Variants in UBA5 observed in about 807,000 individuals in gnomAD.
The protein encoded by UBA5 is ubiquitin like modifier activating enzyme 5, also known as ubiquitin-like modifier-activating enzyme 5.
In UBA5, 28 loss-of-function variants were observed where a neutral mutation model predicts 52.9. The observed-to-expected ratio is 0.53, with a 90% CI of 0.39 to 0.73. UBA5 has a LOEUF of 0.73. Among genes scored for constraint, UBA5 ranks in the 30% least tolerant of loss-of-function variants. UBA5 has a pLI of 0.00. For synonymous variants in UBA5, 135 were observed against 162.1 expected, an observed-to-expected ratio of 0.83 and a Z score of 1.27; for missense variants, 388 against 492.7, an observed-to-expected ratio of 0.79 and a Z score of 2.01.
chr3:132,655,615 G>A (rs1169885631), upstream of UBA5, among the ~76,000 whole-genome samples: 1 of 152,134 alleles, frequency 6.6e-6, no homozygotes, highest in Non-Finnish European at 1.5e-5. Flanking sequence ...CCGTGTGCTC[G>A]AGGAAATCTT....
rs1938843543 is a variant in UBA5 at position 132,676,473 on chromosome 3, G to C, written c.1162G>C (p.Glu388Gln). 1 of 1,610,872 alleles carries C rather than the reference G, an allele frequency of 6.2e-7. No individual in the cohort carries two copies. Among genetic ancestry groups the C allele is most frequent in the Non-Finnish European group, 8.5e-7 (1 of 1,178,826 alleles). The part of the protein sequence containing the change: ...QEDSVTELTV[E>Q]DSGESLEDLM... ...AGATTCTGTCACTGAGTTAACAGTG[G>C]AAGATTCTGGTGAAAGCTTGGAAGA... is the stretch of plus-strand genomic sequence containing the variant. Residue 388 changes from glutamate (E) to glutamine (Q), a missense_variant, in exon 12 of 12, where the codon GAA becomes CAA. By Grantham distance (29) the Glu-to-Gln change is conservative. Coordinates refer to ENST00000356232, the MANE Select transcript of UBA5 (RefSeq NM_024818.6). This position sits in a 1 kb window ranked among gnomAD's most constrained non-coding sequence, Gnocchi z 4.1.
Position 132,654,590 on chromosome 3 carries a change from C to A in UBA5, c.-88C>A, listed in dbSNP as rs1937680475. On this transcript the variant is annotated 5_prime_UTR_variant, in exon 1 of 12. Coordinates refer to the UBA5 transcript ENST00000264991. ...ATCATGGCTGAGATGCCTGCAGAAT[C>A]TCTGCCCATGAGAACTCTGAGGCCT... The A allele has an allele frequency of 2.0e-5, 3 of 152,244 alleles. No homozygotes were observed. In the South Asian group the frequency reaches 6.2e-4, roughly 32 times the overall value. The allele number at this position is 152,244 out of a possible 1,614,324, so 9.4% of individuals were successfully genotyped here.
chr3:132,672,435 G>C (rs1938645392), intron 8 of UBA5, among the ~76,000 whole-genome samples: 1 of 151,982 alleles, frequency 6.6e-6, no homozygotes, highest in Admixed American at 6.6e-5. Context: ...GAATATATGT[G>C]AATGTCAGTT....
chr3:132,659,466 A>G (rs1194003918), upstream of UBA5: 6 of 1,251,188 alleles, frequency 4.8e-6, no homozygotes, highest in Non-Finnish European at 6.5e-6. Context: ...ATAGCAGCTC[A>G]TGCCTGTAGG....
At position 132,675,930 on chromosome 3, in the gene UBA5, CA is replaced by C. The variant is rs1420876965; in HGVS notation, c.1131+12del. 1 of 1,549,800 alleles carries C rather than the reference CA, an allele frequency of 6.5e-7. No individual in the cohort carries two copies. Among genetic ancestry groups the C allele is most frequent in the Non-Finnish European group, 8.8e-7 (1 of 1,135,592 alleles). ...ATACACAATTCCAAAAAAGGTACTT[CA>C]AAAATATGATTTACCCATATGTAAA... On this transcript the variant is annotated splice_region_variant and intron_variant, in intron 11 of 11. Coordinates refer to ENST00000356232, the MANE Select transcript of UBA5 (RefSeq NM_024818.6).
intron 10 of UBA5, 42 bp from the exon 11 acceptor site, chr3:132,675,775 T>C (rs776386473): frequency 1.3e-6 from 2 of 1,555,016 alleles, no homozygotes; most frequent in Admixed American, 3.6e-5. Context: ...TAATTATTGC[T>C]TATTAAATTC....
rs775434087 is a variant in UBA5, at chr3:132,660,720, A to C, written c.161+22A>C. The C allele has an allele frequency of 2.0e-6, 3 of 1,519,886 alleles. No homozygotes were observed. Among genetic ancestry groups the C allele is most frequent in the Non-Finnish European group, 2.7e-6 (3 of 1,127,838 alleles). The allele number at this position is 1,519,886 out of a possible 1,614,324, so 94.1% of individuals were successfully genotyped here. Reference sequence around the variant, plus strand: ...ACAGGTAACCTGCGTCGCCGGTCGGAGGCAGGCGCGGGGGACGAGGTCAGG... The same window carrying C: ...ACAGGTAACCTGCGTCGCCGGTCGGCGGCAGGCGCGGGGGACGAGGTCAGG... On this transcript the variant is annotated intron_variant, in intron 1 of 11. Coordinates refer to ENST00000356232, the MANE Select transcript of UBA5 (RefSeq NM_024818.6). The surrounding 1 kb of genome is among the most constrained non-coding windows in gnomAD (Gnocchi z 4.1).
upstream of UBA5, among the ~76,000 whole-genome samples, chr3:132,656,234 A>C (rs1937794520): frequency 6.6e-6 from 1 of 152,186 alleles, no homozygotes; most frequent in African/African-American, 2.4e-5. Flanking sequence ...CTGTATCTAT[A>C]GACATTGTGT....
chr3:132,659,937 G>A, upstream of UBA5: 1 of 640,420 alleles, frequency 1.6e-6, no homozygotes, highest in Non-Finnish European at 2.5e-6. Context: ...CGAGGTTTTA[G>A]CTCTAGTCAA....
intron 1 of UBA5, among the ~76,000 whole-genome samples, chr3:132,663,527 G>A (rs533366468): frequency 2.0e-5 from 3 of 152,070 alleles, no homozygotes; most frequent in Admixed American, 2.0e-4. Flanking sequence ...ACAGCTGATC[G>A]TGGGGTTGGA....
upstream of UBA5, among the ~76,000 whole-genome samples, chr3:132,657,060 G>A (rs1463778066): frequency 6.6e-6 from 1 of 151,900 alleles, no homozygotes; most frequent in African/African-American, 2.4e-5. Context: ...TTCTGCTGTT[G>A]TCTTTAAAAT....
At chr3:132,675,974 A>G in intron 11 of UBA5, 51 bp downstream of exon 11, 4 of 1,181,154 alleles carry the variant, frequency 3.4e-6, no homozygotes, top group Non-Finnish European at 4.8e-6. Context: ...TAAAATATTT[A>G]TCATCTTCAT....
In UBA5 at chr3:132,675,632, G is replaced by C. The variant is rs1938804678; in HGVS notation, c.976G>C (p.Glu326Gln). The part of the protein sequence containing the change: ...KKKVAALPKQ[E>Q]VIQEEEEIIH... ...AAAGGTAGCAGCACTGCCTAAACAA[G>C]AGGTTATACAAGAAGAGGAAGAGAT... Residue 326 changes from glutamate (E) to glutamine (Q), a missense_variant, in exon 10 of 12, where the codon GAG (glutamate) becomes CAG (glutamine). By Grantham distance (29) the Glu-to-Gln change is conservative. Coordinates refer to ENST00000356232, the MANE Select transcript of UBA5 (RefSeq NM_024818.6). 6.2e-7 allele frequency: 1 copy of C among 1,612,932 alleles called. No individual in the cohort carries two copies. Among genetic ancestry groups the C allele is most frequent in the Non-Finnish European group, 8.5e-7 (1 of 1,179,384 alleles).
intron 3 of UBA5, 152 bp from the exon 4 acceptor site, chr3:132,668,666 A>G (rs1021074405): frequency 5.1e-5 from 26 of 506,688 alleles, no homozygotes; most frequent in Admixed American, 1.1e-4. Context: ...TGAGCATTCA[A>G]TGAATTAATA....
chr3:132,659,419 T>C (rs1267578366), upstream of UBA5: 3 of 727,448 alleles, frequency 4.1e-6, no homozygotes, highest in Non-Finnish European at 6.4e-6. Context: ...CGCCCTCCAA[T>C]TGGGAAGCCC....
chr3:132,670,859 G>T, intron 5 of UBA5, 106 bp from the exon 6 acceptor site: 1 of 651,006 alleles, frequency 1.5e-6, no homozygotes, highest in African/African-American at 1.9e-5. Context: ...AATAATTATA[G>T]TCAAACATTT....
In UBA5 at chr3:132,672,195, T is replaced by C. The variant is rs1938635758; in HGVS notation, c.812+18T>C. On this transcript the variant is annotated intron_variant, in intron 8 of 11. Coordinates refer to ENST00000356232, the MANE Select transcript of UBA5 (RefSeq NM_024818.6). ...GTGTTAAAGTAAGTCAGGGCTAATT[T>C]TTCTGAATAGTCTTGTATGCTTTCA... 1 of 1,611,058 alleles carries C rather than the reference T, an allele frequency of 6.2e-7. No individual in the cohort carries two copies. Among genetic ancestry groups the C allele is most frequent in the Non-Finnish European group, 8.5e-7 (1 of 1,178,994 alleles).
Position 132,660,786 on chromosome 3 carries a change from C to T in UBA5, c.161+88C>T, listed in dbSNP as rs1938119349. On this transcript the variant is annotated intron_variant, in intron 1 of 11. Transcript: ENST00000356232. This position sits in a 1 kb window ranked among gnomAD's most constrained non-coding sequence, Gnocchi z 4.1. ...AGTGAGGCGCTTCCCACGTCCCGCTCATGGGGACGCCCGCCACCCTTTTCT... is the reference window on the plus strand; with the variant it reads ...AGTGAGGCGCTTCCCACGTCCCGCTTATGGGGACGCCCGCCACCCTTTTCT... The T allele has an allele frequency of 1.4e-6, 2 of 1,447,940 alleles. No homozygotes were observed. Among genetic ancestry groups the T allele is most frequent in the Non-Finnish European group, 1.8e-6 (2 of 1,096,044 alleles). 89.7% of individuals were successfully genotyped at this position (1,447,940 alleles called of 1,614,324 possible).
chr3:132,661,979 A>G (rs1938188907), intron 1 of UBA5, among the ~76,000 whole-genome samples: 1 of 152,244 alleles, frequency 6.6e-6, no homozygotes, highest in Non-Finnish European at 1.5e-5. Flanking sequence ...AGTGGAAACT[A>G]TTTGACATTT....
Sources: allele counts gnomAD v4.1 joint callset (sites outside exome capture counted in the v4.1 genomes callset), GRCh38; gene constraint gnomAD v4.1.1; non-coding constraint Gnocchi (gnomAD v3.1); transcripts MANE v1.5; gene names NCBI Gene and HGNC (gene_info 2026-07-23, HGNC 2026-07-21).